Variants in PSMC3 observed in about 807,000 individuals in gnomAD.
PSMC3 encodes 26S proteasome regulatory subunit 6A.
Under a neutral mutation model 52.0 loss-of-function variants are expected in PSMC3, and 11 were observed. The ratio of observed to expected loss-of-function variants is 0.21; its 90% CI spans 0.13 to 0.35. The LOEUF (loss-of-function observed/expected upper bound fraction) is 0.35, where lower values mean the gene tolerates loss of function less well. Ranked by LOEUF, PSMC3 falls within the 10% of genes least tolerant of loss-of-function variation. The pLI, the probability that PSMC3 is intolerant of heterozygous loss-of-function variation, is 1.00. For synonymous variants in PSMC3, 201 were observed against 218.8 expected (o/e 0.92, Z 0.72); for missense variants, 238 against 567.1 (o/e 0.42, Z 5.89).
At position 47,424,027 on chromosome 11, in the gene PSMC3, G is replaced by A. The variant is rs1212768222; in HGVS notation, c.591+19C>T. On this transcript the variant is annotated intron_variant, in intron 6 of 11. Coordinates refer to ENST00000298852, the MANE Select transcript of PSMC3 (RefSeq NM_002804.5). This position sits in a 1 kb window ranked among gnomAD's most constrained non-coding sequence, Gnocchi z 4.8. ...TAAAAGGCTGACAAGGCTGCTGGCA[G>A]CTGCCGTGCCTCCCTCACCTCCTGG... 1 of 1,614,028 alleles carries A rather than the reference G, an allele frequency of 6.2e-7. No homozygotes were observed. Among genetic ancestry groups the A allele is most frequent in the East Asian group, 2.2e-5 (1 of 44,894 alleles).
At chr11:47,425,563 T>C in intron 2 of PSMC3, 1 of 538,632 alleles carries the variant, frequency 1.9e-6, no homozygotes, top group Non-Finnish European at 3.3e-6. Context: ...TCTCTGGGCC[T>C]GTCTCCTCAT....
intron 6 of PSMC3, among the ~76,000 whole-genome samples, chr11:47,423,781 C>T (rs1215427578): frequency 8.9e-6 from 1 of 112,542 alleles, no homozygotes; most frequent in African/African-American, 3.3e-5. Context: ...AAAAGCAAAA[C>T]TCCATCTCGG....
chr11:47,425,855 C>G lies in PSMC3; in HGVS notation c.159+12G>C. ...GGGGGCTCCATCGCCCGCACAGGAGCTGTGCGCCCACCTTGATCTCACTGT... is the reference window on the plus strand; with the variant it reads ...GGGGGCTCCATCGCCCGCACAGGAGGTGTGCGCCCACCTTGATCTCACTGT... On this transcript the variant is annotated intron_variant, in intron 2 of 11. Transcript: ENST00000298852. 6.2e-7 allele frequency: 1 copy of G among 1,611,704 alleles called. No individual in the cohort carries two copies. Among genetic ancestry groups the G allele is most frequent in the Non-Finnish European group, 8.5e-7 (1 of 1,178,302 alleles).
At position 47,420,231 on chromosome 11, in the gene PSMC3, A is replaced by G. The variant is rs747678693; in HGVS notation, c.1127+33T>C. 16 of 1,610,150 alleles carry G rather than the reference A, an allele frequency of 9.9e-6. No homozygotes were observed. The Admixed American group carries it at 2.3e-4, about 23-fold the overall frequency. ...CAGAGACATCCTCCTGCGCCTGTTC[A>G]GGTCTCTGTGCCCTGCCCGTGCTCC... On this transcript the variant is annotated intron_variant, in intron 10 of 11. Transcript: ENST00000298852.
At position 47,426,193 on chromosome 11, in the gene PSMC3, C is replaced by A; in HGVS notation, c.75+12G>T. The A allele has an allele frequency of 6.4e-7, 1 of 1,555,750 alleles. No homozygotes were observed. Among genetic ancestry groups the A allele is most frequent in the Non-Finnish European group, 8.7e-7 (1 of 1,150,498 alleles). ...CCCCGGTTCCCGGACCGCCAGCTCGCCCGGTGCCCACCTCGGCCTCATCCC... is the reference window on the plus strand; with the variant it reads ...CCCCGGTTCCCGGACCGCCAGCTCGACCGGTGCCCACCTCGGCCTCATCCC... On this transcript the variant is annotated intron_variant, in intron 1 of 11. Coordinates refer to ENST00000298852, the MANE Select transcript of PSMC3 (RefSeq NM_002804.5).
intron 3 of PSMC3, 97 bp downstream of exon 3, chr11:47,425,024 C>T: frequency 5.2e-6 from 8 of 1,548,264 alleles, no homozygotes; most frequent in South Asian, 1.2e-5. Context: ...TGCAGTTTGG[C>T]CTCAATACCT....
intron 6 of PSMC3, 151 bp from the exon 7 acceptor site, chr11:47,423,124 G>A (rs1429793587): frequency 1.0e-5 from 9 of 866,680 alleles, no homozygotes; most frequent in Non-Finnish European, 1.4e-5. Flanking sequence ...ACAAGGCTGG[G>A]CGCGGTGGCT....
chr11:47,419,348 A>C, intron 10 of PSMC3, 151 bp from the exon 11 acceptor site: 5 of 753,604 alleles, frequency 6.6e-6, no homozygotes, highest in Non-Finnish European at 1.1e-5. Context: ...TTTTCTTCTC[A>C]GTACAAGATG....
intron 6 of PSMC3, among the ~76,000 whole-genome samples, 159 bp from the exon 7 acceptor site, chr11:47,423,132 G>GTGA (rs1360391439): frequency 6.6e-6 from 1 of 152,238 alleles, no homozygotes; most frequent in Admixed American, 6.5e-5. Context: ...GGGCGCGGTG[G>GTGA]CTCACGCCTG....
Position 47,419,106 on chromosome 11 carries a change from G to T in PSMC3, c.1209+10C>A. 6.2e-7 allele frequency: 1 copy of T among 1,614,072 alleles called. No homozygotes were observed. The highest frequency in any genetic ancestry group is 1.1e-5 in the South Asian group (1 of 91,080). On this transcript the variant is annotated intron_variant, in intron 11 of 11. Coordinates refer to ENST00000298852, the MANE Select transcript of PSMC3 (RefSeq NM_002804.5). ...ACAAAGCAACGCACCCACCCCAGCTGACCACTCACCGCCTCCACACACACA... is the reference window on the plus strand; with the variant it reads ...ACAAAGCAACGCACCCACCCCAGCTTACCACTCACCGCCTCCACACACACA...
intron 1 of PSMC3, 36 bp downstream of exon 1, chr11:47,426,169 C>T: frequency 6.5e-7 from 1 of 1,545,702 alleles, no homozygotes; most frequent in Non-Finnish European, 8.7e-7. Context: ...CCCTGCGGGC[C>T]CCGGTTCCCG....
In PSMC3 at chr11:47,425,965, T is replaced by A; in HGVS notation, c.76-15A>T. ...ATTCCATCTTGCTGTAAAAAATTAT[T>A]TGTTTATTTATATATTTACTTTTAC... is the stretch of plus-strand genomic sequence containing the variant. On this transcript the variant is annotated splice_polypyrimidine_tract_variant and intron_variant, in intron 1 of 11. Coordinates refer to ENST00000298852, the MANE Select transcript of PSMC3 (RefSeq NM_002804.5). The A allele has an allele frequency of 6.2e-7, 1 of 1,604,320 alleles. No homozygotes were observed. The highest frequency in any genetic ancestry group is 8.5e-7 in the Non-Finnish European group (1 of 1,171,284).
chr11:47,419,349 G>A, intron 10 of PSMC3, 152 bp from the exon 11 acceptor site: 1 of 744,054 alleles, frequency 1.3e-6, no homozygotes. Flanking sequence ...TTTCTTCTCA[G>A]TACAAGATGT....
Position 47,420,795 on chromosome 11 carries a change from C to T in PSMC3, c.885-68G>A, listed in dbSNP as rs933255826. On this transcript the variant is annotated intron_variant, in intron 8 of 11. Transcript: ENST00000298852. The stretch of plus-strand genomic sequence containing the variant: ...AGGCAGAGCCCTCCCCTCCTCTACC[C>T]CCTGGAAGCCTAACCTAACCCGTCC... 8 of 1,424,498 alleles carry T rather than the reference C, an allele frequency of 5.6e-6. No homozygotes were observed. The African/African-American group carries it at 7.1e-5, about 13-fold the overall frequency. 88.2% of individuals were successfully genotyped at this position (1,424,498 alleles called of 1,614,324 possible). A position where few individuals can be genotyped will look rare whatever the true frequency, so the allele number is the denominator to read the frequency against.
Position 47,420,612 on chromosome 11 carries a change from T to G in PSMC3, c.981+19A>C. Reference sequence around the variant, plus strand: ...ACCTCTGAGCCTCATCATCTTTGCCTGGGAGTGCTAATACTCACCTTAACT... The same window carrying G: ...ACCTCTGAGCCTCATCATCTTTGCCGGGGAGTGCTAATACTCACCTTAACT... On this transcript the variant is annotated intron_variant, in intron 9 of 11. Transcript: ENST00000298852. The G allele has an allele frequency of 6.5e-7, 1 of 1,549,076 alleles. No individual in the cohort carries two copies. The highest frequency in any genetic ancestry group is 1.2e-5 in the South Asian group (1 of 83,998).
chr11:47,424,094 G>C lies in PSMC3; in HGVS notation c.543C>G (p.Pro181=). 6.2e-7 allele frequency: 1 copy of C among 1,614,158 alleles called. No individual in the cohort carries two copies. Among genetic ancestry groups the C allele is most frequent in the Non-Finnish European group, 8.5e-7 (1 of 1,180,046 alleles). ...RVKAMEVDER[P]TEQYSDIGGL... Reference sequence around the variant, plus strand: ...CCCCAATGTCACTGTATTGCTCCGTGGGCCTCTCGTCTACCTCCATGGCCT... The same window carrying C: ...CCCCAATGTCACTGTATTGCTCCGTCGGCCTCTCGTCTACCTCCATGGCCT... The change falls in exon 6 of 12, where the codon CCC becomes CCG. Residue 181 remains proline (P), a synonymous_variant. Transcript: ENST00000298852. This position sits in a 1 kb window ranked among gnomAD's most constrained non-coding sequence, Gnocchi z 4.8.
intron 10 of PSMC3, among the ~76,000 whole-genome samples, chr11:47,419,757 G>T (rs2096037993): frequency 6.6e-6 from 1 of 152,070 alleles, no homozygotes; most frequent in Admixed American, 6.6e-5. Context: ...TACTCGGGAG[G>T]CTGAGGCAGG....
chr11:47,418,953 C>A lies in PSMC3; in HGVS notation c.1210-8G>T. On this transcript the variant is annotated splice_region_variant and splice_polypyrimidine_tract_variant and intron_variant, in intron 11 of 11. Coordinates refer to ENST00000298852, the MANE Select transcript of PSMC3 (RefSeq NM_002804.5). The stretch of plus-strand genomic sequence containing the variant: ...GCGCAGTGCGATCATGCCCTACAGC[C>A]GGGACAAACAGAGTCTAGGTCTGAA... 1 of 1,613,840 alleles carries A rather than the reference C, an allele frequency of 6.2e-7. No individual in the cohort carries two copies. The highest frequency in any genetic ancestry group is 8.5e-7 in the Non-Finnish European group (1 of 1,179,822).
Position 47,424,312 on chromosome 11 carries a change from G to T in PSMC3, c.453+117C>A. On this transcript the variant is annotated intron_variant, in intron 5 of 11. Transcript: ENST00000298852. This position sits in a 1 kb window ranked among gnomAD's most constrained non-coding sequence, Gnocchi z 4.8. Reference sequence around the variant, plus strand: ...ACAAGAATCAAACAGCAAGTAGACAGAATCCCAGACTCTCGGAGCTGTTCT... The same window carrying T: ...ACAAGAATCAAACAGCAAGTAGACATAATCCCAGACTCTCGGAGCTGTTCT... 6.4e-7 allele frequency: 1 copy of T among 1,556,428 alleles called. No homozygotes were observed.
Sources: gnomAD v4.1 joint callset for allele counts (sites outside exome capture counted in the v4.1 genomes callset) on GRCh38, gnomAD v4.1.1 for gene constraint, Gnocchi (gnomAD v3.1) non-coding constraint, MANE v1.5 for transcripts, NCBI Gene and HGNC (gene_info 2026-07-23, HGNC 2026-07-21) for gene names.